SS18: variants seen among roughly 807,000 people sequenced by gnomAD.
SS18 encodes the protein protein SSXT.
Under a neutral mutation model 72.5 loss-of-function variants are expected in SS18, and 28 were observed. That is an observed-to-expected ratio of 0.39 (90% CI 0.29 to 0.53). SS18 has a LOEUF of 0.53. Ranked by LOEUF, SS18 falls within the 20% of genes least tolerant of loss-of-function variation. The pLI, the probability that SS18 is intolerant of heterozygous loss-of-function variation, is 0.76. For missense variants in SS18, 518 were observed against 535.3 expected, an observed-to-expected ratio of 0.97 and a Z score of 0.32; for synonymous variants, 172 against 164.2, an observed-to-expected ratio of 1.05 and a Z score of -0.37.
At chr18:26,082,945 G>C (rs1164127230) in intron 2 of SS18, among the ~76,000 whole-genome samples, 1 of 151,996 alleles carries the variant, frequency 6.6e-6, no homozygotes, top group Non-Finnish European at 1.5e-5. Flanking sequence ...TAAAATTGGA[G>C]TATCAATTCC....
At chr18:26,059,208 TA>T (rs1354253936) in intron 3 of SS18, among the ~76,000 whole-genome samples, 5 of 152,152 alleles carry the variant, frequency 3.3e-5, no homozygotes, top group Non-Finnish European at 5.9e-5. Context: ...TTGAAGCCAC[TA>T]AAGAGTGACT....
chr18:26,018,452 T>C (rs1162769400), intron 10 of SS18, 72 bp from the exon 11 acceptor site: 1 of 1,229,564 alleles, frequency 8.1e-7, no homozygotes, highest in Non-Finnish European at 1.1e-6. Context: ...TACAAACGAA[T>C]CATTTCTAAC....
chr18:26,053,918 T>C lies in SS18; in HGVS notation c.386-1073A>G, dbSNP rs144131776. Among the ~76,000 whole-genome samples the C allele has an allele frequency of 2.6e-3, 398 of 152,262 alleles. 3 individuals are homozygous for C. The highest frequency in any genetic ancestry group is 8.7e-3 in the African/African-American group (363 of 41,550). On this transcript the variant is annotated intron_variant, in intron 4 of 10. Transcript: ENST00000415083. Reference sequence around the variant, plus strand: ...AGGGTGGGATCAAGCTTGAGGAAATTTGTGATGACAAACAACAATTCAAAT... The same window carrying C: ...AGGGTGGGATCAAGCTTGAGGAAATCTGTGATGACAAACAACAATTCAAAT...
intron 3 of SS18, among the ~76,000 whole-genome samples, chr18:26,071,183 T>C (rs907439255): frequency 3.9e-5 from 6 of 152,154 alleles, no homozygotes; most frequent in Non-Finnish European, 7.4e-5. Context: ...GAAGAGATAA[T>C]GACTGAAAAC....
At chr18:26,055,769 T>G (rs1190377998) in intron 4 of SS18, among the ~76,000 whole-genome samples, 10 of 150,086 alleles carry the variant, frequency 6.7e-5, no homozygotes, top group East Asian at 3.9e-4. Flanking sequence ...TTTTTTTGTT[T>G]TTTTTTTTTG....
intron 2 of SS18, chr18:26,083,971 A>G (rs777213954): frequency 6.6e-6 from 1 of 152,212 alleles, no homozygotes; most frequent in Non-Finnish European, 1.5e-5. Context: ...ACAGTAAGAT[A>G]ACCTAGCACT....
Position 26,039,467 on chromosome 18 carries a change from A to G in SS18, c.608-11T>C. 6.2e-7 allele frequency: 1 copy of G among 1,609,992 alleles called. No homozygotes were observed. Among genetic ancestry groups the G allele is most frequent in the East Asian group, 2.2e-5 (1 of 44,842 alleles). ...GATGCATCATTGGACCTGAAACAAG[A>G]CACAACATTATACACATAATTTTTT... is the stretch of plus-strand genomic sequence containing the variant. On this transcript the variant is annotated splice_polypyrimidine_tract_variant and intron_variant, in intron 5 of 10. Transcript: ENST00000415083.
intron 5 of SS18, among the ~76,000 whole-genome samples, chr18:26,052,225 G>T (rs1404652637): frequency 2.0e-5 from 3 of 152,162 alleles, no homozygotes; most frequent in Non-Finnish European, 1.5e-5. Context: ...TTTTAATGCT[G>T]AAACACAGCA....
chr18:26,091,035 G>A (rs2054720131), upstream of SS18: 1 of 193,178 alleles, frequency 5.2e-6, no homozygotes, highest in South Asian at 8.6e-5. Context: ...GCGTCTCCCC[G>A]ACTGTGTTGC....
chr18:26,026,879 G>T (rs2053454966), intron 10 of SS18, among the ~76,000 whole-genome samples: 1 of 151,906 alleles, frequency 6.6e-6, no homozygotes, highest in Non-Finnish European at 1.5e-5. Flanking sequence ...ATTTACAATA[G>T]CATCAAAACA....
intron 5 of SS18, among the ~76,000 whole-genome samples, chr18:26,042,429 T>C (rs1000728436): frequency 6.6e-6 from 1 of 152,180 alleles, no homozygotes; most frequent in African/African-American, 2.4e-5. Flanking sequence ...TTTTTGCAAG[T>C]GTTTTGCAAG....
Position 26,057,709 on chromosome 18 carries a change from C to T in SS18, c.265G>A (p.Gly89Arg). ...PTQNMPMGPGGMNQSGPPPPP... is the reference protein window; with the variant it reads ...PTQNMPMGPGRMNQSGPPPPP... ...GGGGGAGGGCCGCTCTGATTCATCC[C>T]TCCAGGACCCATAGGCATATTCTGT... The change falls in exon 4 of 11, where the codon GGG becomes AGG. Residue 89 changes from glycine (G) to arginine (R), a missense_variant. Transcript: ENST00000415083. The T allele has an allele frequency of 1.2e-6, 2 of 1,613,884 alleles. No individual in the cohort carries two copies. Among genetic ancestry groups the T allele is most frequent in the Non-Finnish European group, 1.7e-6 (2 of 1,179,918 alleles).
At chr18:26,063,704 A>G (rs776187894) in intron 3 of SS18, among the ~76,000 whole-genome samples, 5 of 152,190 alleles carry the variant, frequency 3.3e-5, no homozygotes, top group Non-Finnish European at 5.9e-5. Flanking sequence ...ACAAGAAGGA[A>G]AGTTGAAAAA....
At chr18:26,067,932 T>C (rs2054248443) in intron 3 of SS18, among the ~76,000 whole-genome samples, 1 of 152,144 alleles carries the variant, frequency 6.6e-6, no homozygotes. Context: ...CCTCAGATCA[T>C]CAGGCATTAG....
At chr18:26,070,411 C>T (rs2054292672) in intron 3 of SS18, among the ~76,000 whole-genome samples, 1 of 152,184 alleles carries the variant, frequency 6.6e-6, no homozygotes, top group South Asian at 2.1e-4. Context: ...GCTTATAGAA[C>T]AACTTCTCCC....
At chr18:26,087,662 T>C (rs1209189293) in intron 1 of SS18, 85 bp from the exon 2 acceptor site, 1 of 746,662 alleles carries the variant, frequency 1.3e-6, no homozygotes, top group South Asian at 1.6e-5. Context: ...GGGAGGGCAT[T>C]AGTAAATACT....
At chr18:26,083,320 T>TA in intron 2 of SS18, among the ~76,000 whole-genome samples, 1 of 152,278 alleles carries the variant, frequency 6.6e-6, no homozygotes, top group East Asian at 1.9e-4. Context: ...GACCTAAACA[T>TA]ACACTATCCG....
At chr18:26,060,115 T>C (rs2054092933) in intron 3 of SS18, among the ~76,000 whole-genome samples, 1 of 152,190 alleles carries the variant, frequency 6.6e-6, no homozygotes, top group Non-Finnish European at 1.5e-5. Context: ...AGTGGCATTA[T>C]TCATAATAGT....
intron 5 of SS18, among the ~76,000 whole-genome samples, chr18:26,046,689 T>C (rs1260578559): frequency 6.6e-6 from 1 of 152,248 alleles, no homozygotes; most frequent in Admixed American, 6.5e-5. Flanking sequence ...TTCATTTCTT[T>C]GTTGCACTTT....
Sources: allele counts gnomAD v4.1 joint callset (sites outside exome capture counted in the v4.1 genomes callset), GRCh38; gene constraint gnomAD v4.1.1; transcripts MANE v1.5; gene names NCBI Gene and HGNC (gene_info 2026-07-23, HGNC 2026-07-21).